The following PCDHGB1 variants were observed in gnomAD, a reference collection of about 807,000 sequenced individuals.
PCDHGB1 encodes protocadherin gamma subfamily B, 1.
A neutral mutation model predicts 56.6 loss-of-function variants in PCDHGB1; 34 were observed. The ratio of observed to expected loss-of-function variants is 0.60; its 90% CI spans 0.46 to 0.80. The LOEUF (loss-of-function observed/expected upper bound fraction) is 0.80. PCDHGB1 is among the 30% of genes least tolerant of loss of function. PCDHGB1 has a pLI of 0.00. For missense variants in PCDHGB1, 1,278 were observed against 1,204.6 expected (o/e 1.06, Z -0.90); for synonymous variants, 561 against 505.9 (o/e 1.11, Z -1.46).
At position 141,490,171 on chromosome 5, in the gene PCDHGB1, G is replaced by A. The variant is rs374421995; in HGVS notation, c.2410-4636G>A. 4 of 1,614,100 alleles carry A rather than the reference G, an allele frequency of 2.5e-6. No individual in the cohort carries two copies. The highest frequency in any genetic ancestry group is 3.4e-6 in the Non-Finnish European group (4 of 1,180,034). On this transcript the variant is annotated intron_variant, in intron 1 of 3. Coordinates refer to ENST00000523390, the MANE Select transcript of PCDHGB1 (RefSeq NM_018922.3). The surrounding 1 kb of genome is among the most constrained non-coding windows in gnomAD (Gnocchi z 5.4). ...CCATGTGTTGGGTCCCATAGACTTT[G>A]AGGAGTCACGTTTCTATGAAATTCA...
rs2099183566 is a variant in PCDHGB1, at chr5:141,468,861, A to G, written c.2410-25946A>G. 3.9e-5 allele frequency among the ~76,000 whole-genome samples: 6 copies of G among 152,168 alleles called. No homozygotes were observed. In the South Asian group the frequency reaches 1.2e-3, roughly 32 times the overall value. On this transcript the variant is annotated intron_variant, in intron 1 of 3. Coordinates refer to ENST00000523390, the MANE Select transcript of PCDHGB1 (RefSeq NM_018922.3). ...AGCCTGGGCAACAGAGCGAGACTCCATCTCAAAAATAATAATAATAATAAT... is the reference window on the plus strand; with the variant it reads ...AGCCTGGGCAACAGAGCGAGACTCCGTCTCAAAAATAATAATAATAATAAT...
chr5:141,410,358 T>C, intron 1 of PCDHGB1: 2 of 1,614,070 alleles, frequency 1.2e-6, no homozygotes, highest in Non-Finnish European at 8.5e-7. Flanking sequence ...CGACGCTCTC[T>C]CAGCCCTGCT....
chr5:141,384,940 T>A lies in PCDHGB1; in HGVS notation c.2409+32271T>A, dbSNP rs781038163. The A allele has an allele frequency of 1.2e-6, 2 of 1,613,942 alleles. No individual in the cohort carries two copies. The highest frequency in any genetic ancestry group is 1.7e-6 in the Non-Finnish European group (2 of 1,179,994). ...GGCCGACCTGGGCAGCCTTGAGCCCTCCGACGGTCCTTACAACTATGACCT... is the reference window on the plus strand; with the variant it reads ...GGCCGACCTGGGCAGCCTTGAGCCCACCGACGGTCCTTACAACTATGACCT... On this transcript the variant is annotated intron_variant, in intron 1 of 3. Coordinates refer to ENST00000523390, the MANE Select transcript of PCDHGB1 (RefSeq NM_018922.3).
intron 1 of PCDHGB1, chr5:141,389,880 T>C: frequency 6.2e-7 from 1 of 1,614,080 alleles, no homozygotes; most frequent in Non-Finnish European, 8.5e-7. Flanking sequence ...CGCCGACAGC[T>C]TGCAGGAGGT....
chr5:141,389,602 T>G, intron 1 of PCDHGB1: 2 of 1,613,170 alleles, frequency 1.2e-6, no homozygotes, highest in African/African-American at 2.7e-5. Flanking sequence ...TCTGCGCTCT[T>G]CGATATGGTG....
At chr5:141,510,349 C>T (rs1461596705) in intron 3 of PCDHGB1, among the ~76,000 whole-genome samples, 1 of 148,468 alleles carries the variant, frequency 6.7e-6, no homozygotes, top group Non-Finnish European at 1.5e-5. Context: ...CACACACTTA[C>T]TAACGGAACT....
Position 141,486,676 on chromosome 5 carries a change from T to A in PCDHGB1, c.2410-8131T>A, listed in dbSNP as rs375080564. On this transcript the variant is annotated intron_variant, in intron 1 of 3. Coordinates refer to ENST00000523390, the MANE Select transcript of PCDHGB1 (RefSeq NM_018922.3). This position sits in a 1 kb window ranked among gnomAD's most constrained non-coding sequence, Gnocchi z 5.0. ...CACTCCTGGAGCCCAGGAATCGAGA[T>A]GTATCAGCTTCCTCTTTCATCTCTC... 3 of 1,614,002 alleles carry A rather than the reference T, an allele frequency of 1.9e-6. No homozygotes were observed. The highest frequency in any genetic ancestry group is 2.5e-6 in the Non-Finnish European group (3 of 1,180,036).
intron 1 of PCDHGB1, among the ~76,000 whole-genome samples, chr5:141,463,896 T>C (rs982611169): frequency 2.0e-5 from 3 of 152,192 alleles, no homozygotes; most frequent in African/African-American, 7.2e-5. Flanking sequence ...CCTTGCTTTT[T>C]GTACTAATAA....
intron 1 of PCDHGB1, among the ~76,000 whole-genome samples, chr5:141,407,392 A>G (rs1427023659): frequency 6.6e-6 from 1 of 152,226 alleles, no homozygotes; most frequent in Non-Finnish European, 1.5e-5. Flanking sequence ...ATGTCATGGT[A>G]GGTAGTTACT....
At chr5:141,397,920 T>C (rs2093586320) in intron 1 of PCDHGB1, 1 of 726,984 alleles carries the variant, frequency 1.4e-6, no homozygotes, top group Non-Finnish European at 2.2e-6. Context: ...CCAGATCTCC[T>C]CGCGCAGCCG....
At chr5:141,500,619 G>A (rs1230172485) in intron 2 of PCDHGB1, among the ~76,000 whole-genome samples, 1 of 152,072 alleles carries the variant, frequency 6.6e-6, no homozygotes, top group East Asian at 1.9e-4. Context: ...CCAGTCATAC[G>A]GTACATTTCC....
At chr5:141,433,060 C>T in intron 1 of PCDHGB1, 1 of 1,614,198 alleles carries the variant, frequency 6.2e-7, no homozygotes, top group Non-Finnish European at 8.5e-7. Flanking sequence ...GGAAGAGTCA[C>T]CTGATCTTCC....
intron 1 of PCDHGB1, chr5:141,370,706 G>T (rs536075571): frequency 1.2e-5 from 19 of 1,613,790 alleles, no homozygotes; most frequent in Middle Eastern, 1.6e-4. Context: ...CGTGTGTTCT[G>T]GAATTTGAAA....
At chr5:141,382,796 G>T (rs1271325084) in intron 1 of PCDHGB1, 1 of 990,558 alleles carries the variant, frequency 1.0e-6, no homozygotes, top group Non-Finnish European at 1.5e-6. Context: ...CTATCCTGCT[G>T]GATTCTGAGC....
rs2154581798 is a variant in PCDHGB1, at chr5:141,489,799, G to T, written c.2410-5008G>T. 1 of 1,614,192 alleles carries T rather than the reference G, an allele frequency of 6.2e-7. No homozygotes were observed. The highest frequency in any genetic ancestry group is 2.2e-5 in the East Asian group (1 of 44,884). On this transcript the variant is annotated intron_variant, in intron 1 of 3. Coordinates refer to ENST00000523390, the MANE Select transcript of PCDHGB1 (RefSeq NM_018922.3). The surrounding 1 kb of genome is among the most constrained non-coding windows in gnomAD (Gnocchi z 4.5). Reference sequence around the variant, plus strand: ...CTCTCTGAATGTGAAGACCCTAAAAGATGGGAAGCCATTCCCAGAGCTGGT... The same window carrying T: ...CTCTCTGAATGTGAAGACCCTAAAATATGGGAAGCCATTCCCAGAGCTGGT...
intron 1 of PCDHGB1, chr5:141,383,026 T>A (rs767610901): frequency 6.2e-7 from 1 of 1,613,590 alleles, no homozygotes; most frequent in Non-Finnish European, 8.5e-7. Context: ...GGACAAAGGG[T>A]CCTTTGTGGG....
chr5:141,419,069 C>G, intron 1 of PCDHGB1: 1 of 1,613,912 alleles, frequency 6.2e-7, no homozygotes, highest in Admixed American at 1.7e-5. Context: ...TTACTACAAG[C>G]TAGTAACAGA....
At chr5:141,375,802 T>G (rs754541889) in intron 1 of PCDHGB1, 15 of 1,614,072 alleles carry the variant, frequency 9.3e-6, no homozygotes, top group East Asian at 2.2e-5. Flanking sequence ...ACGGTTCCAC[T>G]GGCGTGGAGC....
intron 1 of PCDHGB1, chr5:141,422,106 C>T: frequency 6.2e-7 from 1 of 1,607,266 alleles, no homozygotes; most frequent in Non-Finnish European, 8.5e-7. Flanking sequence ...CTGAAATATT[C>T]CAATTGGATT....
Sources: gnomAD v4.1 joint callset for allele counts (sites outside exome capture counted in the v4.1 genomes callset) on GRCh38, gnomAD v4.1.1 for gene constraint, Gnocchi (gnomAD v3.1) non-coding constraint, MANE v1.5 for transcripts, NCBI Gene and HGNC (gene_info 2026-07-23, HGNC 2026-07-21) for gene names.